SPSB4: variants seen among roughly 807,000 people sequenced by gnomAD.
SPSB4 encodes SPRY domain-containing SOCS box protein 4.
Under a neutral mutation model 20.9 loss-of-function variants are expected in SPSB4, and 21 were observed. The observed-to-expected ratio is 1.01, with a 90% CI of 0.71 to 1.45. SPSB4 has a LOEUF of 1.45. Among genes scored for constraint, SPSB4 ranks in the 40% most tolerant of loss-of-function variants. SPSB4 has a pLI of 0.00. For synonymous variants in SPSB4, 207 were observed against 183.8 expected, an observed-to-expected ratio of 1.13 and a Z score of -1.02; for missense variants, 399 against 399.2, an observed-to-expected ratio of 1.00 and a Z score of 0.00.
In SPSB4 at chr3:141,125,195, C is replaced by G. The variant is rs1180198456; in HGVS notation, c.695-21947C>G. On this transcript the variant is annotated intron_variant, in intron 2 of 2. Coordinates refer to ENST00000310546, the MANE Select transcript of SPSB4 (RefSeq NM_080862.3). ...AGATGTGCCTTTATATAATTTTTTT[C>G]ATATGAAGAACTGATTCCTCTAACT... 2.0e-5 allele frequency among the ~76,000 whole-genome samples: 3 copies of G among 152,102 alleles called. No individual in the cohort carries two copies. The East Asian group carries it at 5.8e-4, about 29-fold the overall frequency.
intron 2 of SPSB4, among the ~76,000 whole-genome samples, chr3:141,142,585 A>G (rs1364567023): frequency 6.6e-6 from 1 of 151,884 alleles, no homozygotes; most frequent in Non-Finnish European, 1.5e-5. Context: ...GTTGAACTCC[A>G]TTGTTTCTTT....
intron 2 of SPSB4, among the ~76,000 whole-genome samples, chr3:141,116,839 A>C (rs1160411365): frequency 6.6e-6 from 1 of 152,236 alleles, no homozygotes; most frequent in East Asian, 1.9e-4. Context: ...GGCTTTGAAA[A>C]TATGTCAACA....
chr3:141,096,752 C>CT (rs200340395), intron 2 of SPSB4, among the ~76,000 whole-genome samples: 1 of 152,022 alleles, frequency 6.6e-6, no homozygotes, highest in South Asian at 2.1e-4. Context: ...TGACATAATG[C>CT]TTTTTTTTGG....
chr3:141,065,048 C>T (rs572030033), intron 1 of SPSB4, among the ~76,000 whole-genome samples: 2 of 152,310 alleles, frequency 1.3e-5, no homozygotes, highest in South Asian at 4.1e-4. Flanking sequence ...ATTATGGTCT[C>T]TCAAGTTCCC....
intron 2 of SPSB4, among the ~76,000 whole-genome samples, chr3:141,126,517 G>A (rs946136062): frequency 3.2e-4 from 48 of 152,212 alleles, no homozygotes; most frequent in African/African-American, 1.1e-3. Flanking sequence ...GGGGTTCCAG[G>A]CTTGCTACCA....
Position 141,118,244 on chromosome 3 carries a change from G to C in SPSB4, c.695-28898G>C, listed in dbSNP as rs142210783. Among the ~76,000 whole-genome samples, 1,369 of 152,350 alleles carry C rather than the reference G, an allele frequency of 9.0e-3. 13 individuals carry two copies. Among genetic ancestry groups the C allele is most frequent in the South Asian group, 0.019 (93 of 4,830 alleles). ...TTGATTTGCATTTCTCTGATCACCA[G>C]TGATGATGAGCATTTTTTCATATGT... On this transcript the variant is annotated intron_variant, in intron 2 of 2. Transcript: ENST00000310546.
chr3:141,140,470 G>A (rs1294191646), intron 2 of SPSB4, among the ~76,000 whole-genome samples: 1 of 152,118 alleles, frequency 6.6e-6, no homozygotes, highest in Non-Finnish European at 1.5e-5. Context: ...TTTTATCTAT[G>A]TTTGGTCTTT....
In SPSB4 at chr3:141,114,756, A is replaced by G. The variant is rs551197856; in HGVS notation, c.695-32386A>G. 4.6e-5 allele frequency among the ~76,000 whole-genome samples: 7 copies of G among 152,248 alleles called. No homozygotes were observed. The South Asian group carries it at 1.4e-3, about 32-fold the overall frequency. On this transcript the variant is annotated intron_variant, in intron 2 of 2. Coordinates refer to ENST00000310546, the MANE Select transcript of SPSB4 (RefSeq NM_080862.3). ...CCTTTTCCCAATTCAAAAAAAGTTC[A>G]TTTTCTCTATCATTTTTCTCTACCA...
rs115627137 is a variant in SPSB4 at position 141,067,977 on chromosome 3, A to G, written c.694+1179A>G. Among the ~76,000 whole-genome samples, 504 of 152,354 alleles carry G rather than the reference A, an allele frequency of 3.3e-3. 1 individual carries two copies. Among genetic ancestry groups the G allele is most frequent in the Non-Finnish European group, 5.8e-3 (393 of 68,024 alleles). ...GAGAGCCAGAATCAGGGTTCCCCCCAGTTCTGATGGCCCTGAAGTCCACTC... is the reference window on the plus strand; with the variant it reads ...GAGAGCCAGAATCAGGGTTCCCCCCGGTTCTGATGGCCCTGAAGTCCACTC... On this transcript the variant is annotated intron_variant, in intron 2 of 2. Coordinates refer to ENST00000310546, the MANE Select transcript of SPSB4 (RefSeq NM_080862.3).
rs535970593 is a variant in SPSB4 at position 141,104,971 on chromosome 3, C to T, written c.694+38173C>T. On this transcript the variant is annotated intron_variant, in intron 2 of 2. Coordinates refer to ENST00000310546, the MANE Select transcript of SPSB4 (RefSeq NM_080862.3). ...TCCCACCTCTGGAAGGGATGGGTAC[C>T]ATCCAAGCCGCCTGCAGGTTTTACA... Among the ~76,000 whole-genome samples the T allele has an allele frequency of 3.5e-4, 53 of 152,286 alleles. No homozygotes were observed. In the Middle Eastern group the frequency reaches 0.01, roughly 29 times the overall value.
At chr3:141,060,793 A>AT (rs548275009) in intron 1 of SPSB4, among the ~76,000 whole-genome samples, 1 of 152,120 alleles carries the variant, frequency 6.6e-6, no homozygotes, top group Non-Finnish European at 1.5e-5. Context: ...TGCGTTATCC[A>AT]TTTTTTTGAC....
chr3:141,094,202 A>G (rs1372614651), intron 2 of SPSB4, among the ~76,000 whole-genome samples: 1 of 152,012 alleles, frequency 6.6e-6, no homozygotes, highest in Non-Finnish European at 1.5e-5. Flanking sequence ...TCCAGCTCCC[A>G]CAGCTCCCAG....
rs146745234 is a variant in SPSB4 at position 141,066,711 on chromosome 3, G to A, written c.607G>A (p.Gly203Ser). 119 of 1,612,054 alleles carry A rather than the reference G, an allele frequency of 7.4e-5. No homozygotes were observed. In the African/African-American group the frequency reaches 1.5e-3, roughly 20 times the overall value. ...CCAGTACCTGGGCGTGGCCTTCCGA[G>A]GTCTCAAGGGCAAGAAGCTGTACCC... ...DGQYLGVAFR[G>S]LKGKKLYPVV... Residue 203 changes from glycine (G) to serine (S), a missense_variant, in exon 2 of 3, where the codon GGT (glycine) becomes AGT (serine). By Grantham distance (56) the Gly-to-Ser change is moderately conservative (BLOSUM62 0). Coordinates refer to ENST00000310546, the MANE Select transcript of SPSB4 (RefSeq NM_080862.3).
chr3:141,113,864 G>A (rs1054902538), intron 2 of SPSB4, among the ~76,000 whole-genome samples: 1 of 152,224 alleles, frequency 6.6e-6, no homozygotes, highest in African/African-American at 2.4e-5. Context: ...GGGAGGCCAA[G>A]GCGGGCAGAT....
At chr3:141,090,722 C>T (rs1938436749) in intron 2 of SPSB4, among the ~76,000 whole-genome samples, 1 of 152,240 alleles carries the variant, frequency 6.6e-6, no homozygotes, top group East Asian at 1.9e-4. Context: ...GACGGGGAGT[C>T]ACTACAGACT....
intron 2 of SPSB4, among the ~76,000 whole-genome samples, chr3:141,095,607 G>C (rs1404267990): frequency 6.6e-6 from 1 of 152,092 alleles, no homozygotes; most frequent in South Asian, 2.1e-4. Context: ...GGATGAGGAG[G>C]GCCTGTGCCC....
At chr3:141,140,805 C>T (rs1354462875) in intron 2 of SPSB4, among the ~76,000 whole-genome samples, 2 of 150,150 alleles carry the variant, frequency 1.3e-5, no homozygotes, top group Non-Finnish European at 3.0e-5. Context: ...GCAGTCTGCC[C>T]GTTCTCAGAT....
chr3:141,064,515 A>T (rs185991627), intron 1 of SPSB4, among the ~76,000 whole-genome samples: 5 of 152,282 alleles, frequency 3.3e-5, no homozygotes, highest in Admixed American at 3.3e-4. Flanking sequence ...AGAGTATGAG[A>T]GTTAAGAATA....
At chr3:141,098,067 C>G (rs1037288579) in intron 2 of SPSB4, among the ~76,000 whole-genome samples, 2 of 152,216 alleles carry the variant, frequency 1.3e-5, no homozygotes, top group African/African-American at 4.8e-5. Flanking sequence ...TTCTTCTTCA[C>G]CAAACCATTT....
Sources: allele counts gnomAD v4.1 joint callset (sites outside exome capture counted in the v4.1 genomes callset), GRCh38; gene constraint gnomAD v4.1.1; transcripts MANE v1.5; gene names NCBI Gene and HGNC (gene_info 2026-07-23, HGNC 2026-07-21).